Variants in RBFOX1 observed in about 807,000 individuals in gnomAD.
RBFOX1 encodes RNA binding fox-1 homolog 1, also known as RNA binding protein fox-1 homolog 1.
A neutral mutation model predicts 57.7 loss-of-function variants in RBFOX1; 8 were observed. That is an observed-to-expected ratio of 0.14 (90% confidence interval 0.08 to 0.25). The LOEUF (loss-of-function observed/expected upper bound fraction) is 0.25, where lower values mean the gene tolerates loss of function less well. Ranked by LOEUF, RBFOX1 falls within the 10% of genes least tolerant of loss-of-function variation. RBFOX1 has a pLI of 1.00. For synonymous variants in RBFOX1, 326 were observed against 222.4 expected, an observed-to-expected ratio of 1.47 and a Z score of -4.15; for missense variants, 611 against 548.5, an observed-to-expected ratio of 1.11 and a Z score of -1.14.
intron 4 of RBFOX1, among the ~76,000 whole-genome samples, chr16:5,888,822 A>C (rs1356446841): frequency 2.3e-5 from 3 of 132,528 alleles, no homozygotes; most frequent in Non-Finnish European, 4.8e-5. Context: ...AAAAAAAAAA[A>C]GTTGTTGAAT....
chr16:7,503,639 T>C (rs1176736646), intron 4 of RBFOX1, among the ~76,000 whole-genome samples: 2 of 152,196 alleles, frequency 1.3e-5, no homozygotes, highest in African/African-American at 4.8e-5. Context: ...AAAAGTGGGC[T>C]GGTGAAAGGA....
intron 1 of RBFOX1, among the ~76,000 whole-genome samples, chr16:6,253,301 T>A (rs2097636306): frequency 6.6e-6 from 1 of 152,162 alleles, no homozygotes; most frequent in African/African-American, 2.4e-5. Flanking sequence ...TCATTTTAGC[T>A]CTCTGCAAAG....
At chr16:7,664,265 T>G (rs2068589892) in intron 12 of RBFOX1, among the ~76,000 whole-genome samples, 1 of 152,220 alleles carries the variant, frequency 6.6e-6, no homozygotes, top group Non-Finnish European at 1.5e-5. Context: ...ACAATGCACT[T>G]GTACACATGA....
At chr16:5,956,661 TATATA>T (rs2059645980) in intron 4 of RBFOX1, among the ~76,000 whole-genome samples, 2 of 51,078 alleles carry the variant, frequency 3.9e-5, no homozygotes, top group Admixed American at 5.2e-4. Context: ...TATATATTTA[TATATA>T]TATATATATA....
intron 2 of RBFOX1, among the ~76,000 whole-genome samples, chr16:6,498,822 C>G (rs774968977): frequency 3.9e-5 from 6 of 152,156 alleles, no homozygotes; most frequent in Non-Finnish European, 7.3e-5. Flanking sequence ...GCTAGTTCTT[C>G]TCCTGAAGCC....
chr16:7,257,917 C>T (rs908672092), intron 4 of RBFOX1, among the ~76,000 whole-genome samples: 1 of 152,112 alleles, frequency 6.6e-6, no homozygotes, highest in Non-Finnish European at 1.5e-5. Flanking sequence ...ATTCCATCTT[C>T]GTATCTCCTG....
chr16:7,408,006 C>T (rs1205383251), intron 4 of RBFOX1, among the ~76,000 whole-genome samples: 1 of 152,150 alleles, frequency 6.6e-6, no homozygotes, highest in African/African-American at 2.4e-5. Context: ...AATATTTATT[C>T]CGTGGCTCTT....
chr16:7,695,191 G>A (rs566746276), intron 14 of RBFOX1, among the ~76,000 whole-genome samples: 1 of 152,182 alleles, frequency 6.6e-6, no homozygotes, highest in South Asian at 2.1e-4. Context: ...ATATTATGTT[G>A]CATGCTTCAT....
At chr16:7,174,866 C>T (rs753126048) in intron 4 of RBFOX1, among the ~76,000 whole-genome samples, 2 of 152,150 alleles carry the variant, frequency 1.3e-5, no homozygotes, top group Non-Finnish European at 2.9e-5. Context: ...CAGCAACATA[C>T]AAGCATCCAG....
intron 2 of RBFOX1, among the ~76,000 whole-genome samples, chr16:5,512,535 C>T (rs1485340393): frequency 6.6e-6 from 1 of 151,976 alleles, no homozygotes; most frequent in Non-Finnish European, 1.5e-5. Flanking sequence ...GATTAGAATC[C>T]CAGCTTTGTC....
Position 7,351,289 on chromosome 16 carries a change from C to A in RBFOX1, c.28-166858C>A, listed in dbSNP as rs534433188. 2.6e-5 allele frequency among the ~76,000 whole-genome samples: 4 copies of A among 152,326 alleles called. No homozygotes were observed. In the South Asian group the frequency reaches 8.3e-4, roughly 32 times the overall value. On this transcript the variant is annotated intron_variant, in intron 4 of 15. Coordinates refer to ENST00000550418, the MANE Select transcript of RBFOX1 (RefSeq NM_018723.4). Reference sequence around the variant, plus strand: ...GTACCTAAAATAGAGGGAAACTTTTCTATGTCAAAGGGTAGTAGAAAGGTT... The same window carrying A: ...GTACCTAAAATAGAGGGAAACTTTTATATGTCAAAGGGTAGTAGAAAGGTT...
At chr16:6,663,109 A>G (rs1037151623) in intron 3 of RBFOX1, among the ~76,000 whole-genome samples, 1 of 152,292 alleles carries the variant, frequency 6.6e-6, no homozygotes. Context: ...ACAGGAGTAC[A>G]GGGTGGAAGG....
intron 3 of RBFOX1, among the ~76,000 whole-genome samples, chr16:6,693,643 C>T (rs1308441604): frequency 6.6e-6 from 1 of 151,380 alleles, no homozygotes; most frequent in Non-Finnish European, 1.5e-5. Flanking sequence ...CTACCATCAC[C>T]ACCACAATCA....
chr16:5,945,445 C>T (rs1246309700), intron 4 of RBFOX1, among the ~76,000 whole-genome samples: 1 of 152,230 alleles, frequency 6.6e-6, no homozygotes. Context: ...CGCCCCAGAT[C>T]TAGAGATGAT....
At chr16:5,905,248 A>G (rs1373988288) in intron 4 of RBFOX1, among the ~76,000 whole-genome samples, 1 of 151,582 alleles carries the variant, frequency 6.6e-6, no homozygotes, top group Non-Finnish European at 1.5e-5. Flanking sequence ...TCGTATTATT[A>G]GTAGAGACGG....
chr16:5,714,936 C>T (rs2051633303), intron 3 of RBFOX1, among the ~76,000 whole-genome samples: 1 of 152,166 alleles, frequency 6.6e-6, no homozygotes, highest in Non-Finnish European at 1.5e-5. Context: ...GCTGAAATAT[C>T]TGTTGGATGA....
intron 5 of RBFOX1, among the ~76,000 whole-genome samples, chr16:7,572,152 C>T (rs111432893): frequency 3.6e-4 from 55 of 152,230 alleles, no homozygotes; most frequent in African/African-American, 1.1e-3. Context: ...GTTATTAATA[C>T]TGTTAATAAT....
intron 4 of RBFOX1, among the ~76,000 whole-genome samples, chr16:7,420,884 T>TATATATATATACACACATATATATAC (rs1568793718): frequency 9.6e-5 from 8 of 83,748 alleles, no homozygotes; most frequent in African/African-American, 2.8e-4. Context: ...TCTTTTAAAA[T>TATATATATATACACACATATATATAC]ATATATATAT....
chr16:6,630,155 T>C (rs2098366140), intron 2 of RBFOX1, among the ~76,000 whole-genome samples: 1 of 152,080 alleles, frequency 6.6e-6, no homozygotes, highest in Non-Finnish European at 1.5e-5. Flanking sequence ...AGCATCACCT[T>C]CACCCAGTTA....
Sources: allele counts gnomAD v4.1 joint callset (sites outside exome capture counted in the v4.1 genomes callset), GRCh38; gene constraint gnomAD v4.1.1; transcripts MANE v1.5; gene names NCBI Gene and HGNC (gene_info 2026-07-23, HGNC 2026-07-21).